Variants in C8orf34 observed in about 807,000 individuals in gnomAD.
The protein encoded by C8orf34 is chromosome 8 open reading frame 34.
A neutral mutation model predicts 68.3 loss-of-function variants in C8orf34; 65 were observed. The ratio of observed to expected loss-of-function variants is 0.95; its 90% confidence interval spans 0.78 to 1.17. The LOEUF is 1.17. Among genes scored for constraint, C8orf34 ranks in the 50% most tolerant of loss-of-function variants. The pLI is 0.00. For synonymous variants in C8orf34, 244 were observed against 241.2 expected (o/e 1.01, Z -0.11); for missense variants, 664 against 655.4 (o/e 1.01, Z -0.14).
chr8:68,578,594 A>T (rs1816973191), intron 7 of C8orf34, among the ~76,000 whole-genome samples: 1 of 151,922 alleles, frequency 6.6e-6, no homozygotes, highest in South Asian at 2.1e-4. Context: ...AACCAATTAC[A>T]GCAAAATATT....
chr8:68,799,904 AG>A (rs1443801320), intron 12 of C8orf34, among the ~76,000 whole-genome samples: 2 of 152,208 alleles, frequency 1.3e-5, no homozygotes, highest in African/African-American at 4.8e-5. Context: ...TTTGAAGGGC[AG>A]GGATGGACAA....
chr8:68,696,106 C>A (rs535538127), intron 8 of C8orf34, among the ~76,000 whole-genome samples: 1 of 151,412 alleles, frequency 6.6e-6, no homozygotes, highest in East Asian at 2.0e-4. Context: ...GTCAGGACTT[C>A]AATGAGCGGT....
Position 68,458,121 on chromosome 8 carries a change from C to T in C8orf34, c.608-10571C>T, listed in dbSNP as rs184419517. Among the ~76,000 whole-genome samples, 22 of 152,284 alleles carry T rather than the reference C, an allele frequency of 1.4e-4. No individual in the cohort carries two copies. The East Asian group carries it at 3.9e-3, about 27-fold the overall frequency. On this transcript the variant is annotated intron_variant, in intron 3 of 13. Transcript: ENST00000518698. ...ATGATAAGTTAGGCAAGATTTATTA[C>T]ATGTATCAAATTGTCACAAGCTACA...
intron 12 of C8orf34, among the ~76,000 whole-genome samples, chr8:68,810,613 G>A (rs1028061558): frequency 2.0e-5 from 3 of 152,288 alleles, no homozygotes; most frequent in Middle Eastern, 3.4e-3. Context: ...GCAAGTTCTT[G>A]TCCTCCATCC....
intron 12 of C8orf34, among the ~76,000 whole-genome samples, chr8:68,792,854 T>C (rs1156560535): frequency 6.6e-6 from 1 of 151,884 alleles, no homozygotes; most frequent in East Asian, 1.9e-4. Context: ...TCAGGTTAAG[T>C]GGCATGTGAT....
At chr8:68,586,372 G>T (rs546048893) in intron 7 of C8orf34, among the ~76,000 whole-genome samples, 3 of 152,178 alleles carry the variant, frequency 2.0e-5, no homozygotes, top group South Asian at 4.2e-4. Context: ...GGCCAGTTTG[G>T]CCACTTCCTT....
chr8:68,372,910 A>G (rs764605285), intron 1 of C8orf34, among the ~76,000 whole-genome samples: 17 of 152,228 alleles, frequency 1.1e-4, no homozygotes, highest in Non-Finnish European at 1.9e-4. Context: ...ATGAACGTGC[A>G]GAGTACCAGC....
intron 7 of C8orf34, among the ~76,000 whole-genome samples, chr8:68,562,581 A>C (rs899159846): frequency 1.1e-4 from 17 of 152,222 alleles, no homozygotes; most frequent in African/African-American, 4.1e-4. Context: ...AGGAAAATGC[A>C]GCCTGATTTG....
At chr8:68,572,450 G>A (rs956095315) in intron 7 of C8orf34, among the ~76,000 whole-genome samples, 4 of 151,074 alleles carry the variant, frequency 2.6e-5, no homozygotes, top group African/African-American at 9.8e-5. Context: ...GAACTGTGTT[G>A]CAGTTTTATT....
chr8:68,435,665 A>G (rs1002677435), intron 1 of C8orf34, among the ~76,000 whole-genome samples: 16 of 152,168 alleles, frequency 1.1e-4, no homozygotes, highest in African/African-American at 3.1e-4. Context: ...CTGCTTTCTG[A>G]ATCTCCTACA....
intron 3 of C8orf34, chr8:68,447,613 ATATT>A (rs1811178281): frequency 6.6e-6 from 1 of 152,220 alleles, no homozygotes; most frequent in African/African-American, 2.4e-5. Context: ...TAGGCAGAAA[ATATT>A]TATCTTTGTT....
At chr8:68,717,389 A>T (rs56233240) in intron 9 of C8orf34, among the ~76,000 whole-genome samples, 9,553 of 151,704 alleles carry the variant, frequency 0.063, 389 homozygotes, top group Middle Eastern at 0.12. Flanking sequence ...GCTACTCGGG[A>T]GGCTGAGGCA....
At chr8:68,619,469 C>T (rs969907675) in intron 7 of C8orf34, among the ~76,000 whole-genome samples, 3 of 142,154 alleles carry the variant, frequency 2.1e-5, no homozygotes, top group African/African-American at 5.9e-5. Context: ...ACCTGGTTAT[C>T]GTGAACCATA....
rs1434125067 is a variant in C8orf34 at position 68,330,959 on chromosome 8, C to T, written c.-54C>T. 2.5e-5 allele frequency: 33 copies of T among 1,297,648 alleles called. No homozygotes were observed. The highest frequency in any genetic ancestry group is 2.3e-4 in the Admixed American group (6 of 25,800). The allele number at this position is 1,297,648 out of a possible 1,614,324, so 80.4% of individuals were successfully genotyped here. On this transcript the variant is annotated 5_prime_UTR_variant, in exon 1 of 14. Coordinates refer to ENST00000518698, the MANE Select transcript of C8orf34 (RefSeq NM_052958.4). ...ACCTCTGCCTCGAATTTCCCCACTG[C>T]GCCGGGCGCTGCGGAGAGCGGCGAG...
intron 7 of C8orf34, among the ~76,000 whole-genome samples, chr8:68,570,995 G>C (rs116832450): frequency 2.2e-4 from 34 of 152,260 alleles, no homozygotes; most frequent in African/African-American, 8.2e-4. Context: ...AGGCACTTTT[G>C]TTCCTCTCTT....
intron 8 of C8orf34, among the ~76,000 whole-genome samples, chr8:68,668,262 A>T (rs1819901606): frequency 6.6e-6 from 1 of 152,194 alleles, no homozygotes; most frequent in Non-Finnish European, 1.5e-5. Context: ...GGAGAAATAC[A>T]AAATTTTCCT....
chr8:68,566,159 T>C (rs1029892561), intron 7 of C8orf34, among the ~76,000 whole-genome samples: 2 of 152,218 alleles, frequency 1.3e-5, no homozygotes, highest in African/African-American at 4.8e-5. Context: ...TCAAACACTT[T>C]TTAAAAACTT....
At chr8:68,433,920 T>A (rs1810550018) in intron 1 of C8orf34, among the ~76,000 whole-genome samples, 1 of 152,194 alleles carries the variant, frequency 6.6e-6, no homozygotes, top group African/African-American at 2.4e-5. Flanking sequence ...TCATTGTTAC[T>A]AGTTAGTATT....
chr8:68,657,007 A>AT (rs1013713204), intron 8 of C8orf34, among the ~76,000 whole-genome samples: 9 of 152,148 alleles, frequency 5.9e-5, no homozygotes, highest in Non-Finnish European at 1.2e-4. Flanking sequence ...GTCCTGATGT[A>AT]TTTTTATTTT....
Sources: allele counts gnomAD v4.1 joint callset (sites outside exome capture counted in the v4.1 genomes callset), GRCh38; gene constraint gnomAD v4.1.1; transcripts MANE v1.5; gene names NCBI Gene and HGNC (gene_info 2026-07-23, HGNC 2026-07-21).